The following PAK2 variants were observed in gnomAD, a reference collection of about 807,000 sequenced individuals.
PAK2 encodes p21 (RAC1) activated kinase 2, also known as serine/threonine-protein kinase PAK 2.
PAK2 carries 21 observed loss-of-function variants against 65.9 expected under a neutral mutation model. The observed-to-expected ratio is 0.32, with a 90% confidence interval of 0.23 to 0.46. The LOEUF (loss-of-function observed/expected upper bound fraction) is 0.46. Among genes scored for constraint, PAK2 ranks in the 20% least tolerant of loss-of-function variants. The probability of loss-of-function intolerance (pLI) is 1.00; values close to 1 mark genes in which losing one functional copy is unlikely to be tolerated. For synonymous variants in PAK2, 204 were observed against 219.7 expected (o/e 0.93, Z 0.63); for missense variants, 324 against 642.6 (o/e 0.50, Z 5.36).
At chr3:196,809,969 T>G (rs1480238108) in intron 7 of PAK2, among the ~76,000 whole-genome samples, 1 of 152,064 alleles carries the variant, frequency 6.6e-6, no homozygotes, top group East Asian at 1.9e-4. Context: ...CTTTGAACTT[T>G]CCTAAAACAA....
intron 5 of PAK2, 122 bp downstream of exon 5, chr3:196,805,505 T>G: frequency 1.9e-6 from 1 of 525,784 alleles, no homozygotes; most frequent in Non-Finnish European, 3.4e-6. Context: ...AACTACTCAA[T>G]AGGTGTTTTT....
intron 1 of PAK2, among the ~76,000 whole-genome samples, chr3:196,771,979 T>G (rs1487130308): frequency 6.6e-6 from 1 of 152,252 alleles, no homozygotes; most frequent in Non-Finnish European, 1.5e-5. Context: ...TAGCTTTCAT[T>G]TATTTTTTCT....
chr3:196,815,531 G>A (rs1371418867), intron 11 of PAK2, among the ~76,000 whole-genome samples: 1 of 151,572 alleles, frequency 6.6e-6, no homozygotes, highest in African/African-American at 2.4e-5. Context: ...TCTCTCGCCT[G>A]TAATACCAGC....
intron 1 of PAK2, among the ~76,000 whole-genome samples, chr3:196,763,620 A>AT (rs1366496897): frequency 6.6e-6 from 1 of 152,170 alleles, no homozygotes; most frequent in African/African-American, 2.4e-5. Context: ...TAAAAGAAGT[A>AT]TTTGAGAAAG....
At chr3:196,805,481 C>T (rs1715556163) in intron 5 of PAK2, 98 bp downstream of exon 5, 1 of 628,270 alleles carries the variant, frequency 1.6e-6, no homozygotes, top group Admixed American at 3.3e-5. Context: ...AAATTACAGC[C>T]ATCAGAGGTA....
chr3:196,761,766 G>A (rs1302118495), intron 1 of PAK2, among the ~76,000 whole-genome samples: 2 of 148,752 alleles, frequency 1.3e-5, no homozygotes, highest in Non-Finnish European at 3.0e-5. Context: ...CCCGGACGGG[G>A]CGGCTGGCCG....
At chr3:196,780,312 G>C (rs1010176198) in intron 1 of PAK2, among the ~76,000 whole-genome samples, 1 of 152,116 alleles carries the variant, frequency 6.6e-6, no homozygotes, top group Non-Finnish European at 1.5e-5. Flanking sequence ...ACCTGAGACC[G>C]GGCCATTTAC....
chr3:196,757,933 G>A (rs1234685503), intron 1 of PAK2, among the ~76,000 whole-genome samples: 7 of 152,188 alleles, frequency 4.6e-5, no homozygotes, highest in Non-Finnish European at 1.0e-4. Flanking sequence ...GATAAATGGA[G>A]CATTTGTCTT....
rs565992532 is a variant in PAK2, at chr3:196,764,060, C to T, written c.-21-18566C>T. ...TGACCTCAGGTGATCCACCTGCCTC[C>T]GAAAGTGCTGGGATTACAGGCGTGA... On this transcript the variant is annotated intron_variant, in intron 1 of 14. Coordinates refer to ENST00000327134, the MANE Select transcript of PAK2 (RefSeq NM_002577.4). Among the ~76,000 whole-genome samples, 433 of 151,884 alleles carry T rather than the reference C, an allele frequency of 2.9e-3. 6 individuals carry two copies. Among genetic ancestry groups the T allele is most frequent in the African/African-American group, 9.6e-3 (398 of 41,386 alleles).
In PAK2 at chr3:196,811,393, T is replaced by C. The variant is rs576789675; in HGVS notation, c.773+740T>C. Among the ~76,000 whole-genome samples the C allele has an allele frequency of 1.5e-4, 6 of 39,882 alleles. No individual in the cohort carries two copies. The East Asian group carries it at 3.7e-3, about 25-fold the overall frequency. The allele number at this position is 39,882 out of a possible 152,430, so 26.2% of individuals were successfully genotyped here. Reference sequence around the variant, plus strand: ...CTTCTCTTCCTTCCTTCCCTTTTTTTTTTTTTTTTTTTTTGGCGGAGTCTG... The same window carrying C: ...CTTCTCTTCCTTCCTTCCCTTTTTTCTTTTTTTTTTTTTTGGCGGAGTCTG... On this transcript the variant is annotated intron_variant, in intron 8 of 14. Coordinates refer to ENST00000327134, the MANE Select transcript of PAK2 (RefSeq NM_002577.4).
chr3:196,811,293 C>CTCCCTCCCT (rs1206531462), intron 8 of PAK2, among the ~76,000 whole-genome samples: 1 of 1,978 alleles, frequency 5.1e-4, no homozygotes, highest in Non-Finnish European at 8.8e-4. Flanking sequence ...CCTCCCTTCC[C>CTCCCTCCCT]TCCCTCCCTT....
chr3:196,785,421 A>T (rs1370870317), intron 2 of PAK2, among the ~76,000 whole-genome samples: 1 of 152,120 alleles, frequency 6.6e-6, no homozygotes, highest in East Asian at 1.9e-4. Context: ...TGTTTTCTAA[A>T]AGTTTTTAGT....
At chr3:196,807,456 T>G (rs1429284938) in intron 6 of PAK2, among the ~76,000 whole-genome samples, 1 of 152,230 alleles carries the variant, frequency 6.6e-6, no homozygotes, top group Non-Finnish European at 1.5e-5. Flanking sequence ...ACTTACCATT[T>G]GTAGTAAAAA....
At chr3:196,786,001 G>A (rs547243191) in intron 2 of PAK2, among the ~76,000 whole-genome samples, 85 of 152,054 alleles carry the variant, frequency 5.6e-4, no homozygotes, top group Non-Finnish European at 9.7e-4. Context: ...TAGCTTTTTC[G>A]TTTTCTATTA....
intron 2 of PAK2, among the ~76,000 whole-genome samples, chr3:196,797,170 T>G (rs1020123819): frequency 3.3e-5 from 5 of 152,122 alleles, no homozygotes; most frequent in African/African-American, 1.2e-4. Flanking sequence ...TTTTAAAAAT[T>G]CTCAAAAATG....
chr3:196,825,597 C>A (rs754019867), intron 13 of PAK2, among the ~76,000 whole-genome samples: 3 of 151,904 alleles, frequency 2.0e-5, no homozygotes, highest in African/African-American at 7.3e-5. Flanking sequence ...GAGCTGAGAT[C>A]GTGCCATTGC....
intron 1 of PAK2, among the ~76,000 whole-genome samples, chr3:196,754,398 G>A (rs1487723232): frequency 6.6e-6 from 1 of 152,048 alleles, no homozygotes; most frequent in African/African-American, 2.4e-5. Flanking sequence ...CCTCTCCAGG[G>A]GACTGGAGTT....
chr3:196,755,673 G>C (rs999279717), intron 1 of PAK2, among the ~76,000 whole-genome samples: 1 of 152,016 alleles, frequency 6.6e-6, no homozygotes, highest in Non-Finnish European at 1.5e-5. Flanking sequence ...GGTCAGGCTG[G>C]TCTCGAATTC....
intron 8 of PAK2, 55 bp from the exon 9 acceptor site, chr3:196,812,164 G>A: frequency 1.0e-6 from 1 of 953,160 alleles, no homozygotes; most frequent in Non-Finnish European, 1.7e-6. Context: ...TTTGGATATT[G>A]CAAATGCTAG....
Sources: gnomAD v4.1 joint callset for allele counts (sites outside exome capture counted in the v4.1 genomes callset) on GRCh38, gnomAD v4.1.1 for gene constraint, MANE v1.5 for transcripts, NCBI Gene and HGNC (gene_info 2026-07-23, HGNC 2026-07-21) for gene names.